The following ZNF469 variants were observed in gnomAD, a reference collection of about 807,000 sequenced individuals.
The protein encoded by ZNF469 is zinc finger protein 469.
A neutral mutation model predicts 1.0 loss-of-function variants in ZNF469; 1 was observed. That is an observed-to-expected ratio of 1.00 (90% CI 0.35 to 4.73). The LOEUF (loss-of-function observed/expected upper bound fraction) is 4.73. ZNF469 is among the 30% of genes most tolerant of loss of function. The pLI is 0.16. For synonymous variants in ZNF469, 2,703 were observed against 2,363.4 expected (o/e 1.14, Z -4.17); for missense variants, 6,100 against 5,356.3 (o/e 1.14, Z -4.33).
At chr16:88,372,822 T>C in the ZNF469 span, among the ~76,000 whole-genome samples, 1 of 145,660 alleles carries the variant, frequency 6.9e-6, no homozygotes. Context: ...ACCATCATCA[T>C]GATCTTTACC....
At chr16:88,196,464 G>A in the ZNF469 span, among the ~76,000 whole-genome samples, 1 of 152,210 alleles carries the variant, frequency 6.6e-6, no homozygotes, top group African/African-American at 2.4e-5. Flanking sequence ...CTCAAGACAT[G>A]TCCAACGTTC....
intron 1 of ZNF469, among the ~76,000 whole-genome samples, chr16:88,385,073 C>G (rs2092534156): frequency 6.6e-6 from 1 of 152,176 alleles, no homozygotes; most frequent in Non-Finnish European, 1.5e-5. Flanking sequence ...CTCTTCAGGT[C>G]ATTTCTGACT....
At chr16:88,101,369 G>A in the ZNF469 span, among the ~76,000 whole-genome samples, 2 of 152,218 alleles carry the variant, frequency 1.3e-5, no homozygotes, top group African/African-American at 2.4e-5. Context: ...TCTTTGATCT[G>A]ATGTGGTTAG....
chr16:88,343,049 C>T, the ZNF469 span, among the ~76,000 whole-genome samples: 2 of 152,292 alleles, frequency 1.3e-5, no homozygotes, highest in East Asian at 3.9e-4. Context: ...CACACGGGGA[C>T]TGAGAAGCAT....
the ZNF469 span, among the ~76,000 whole-genome samples, chr16:88,256,883 TTCTTTTCTTTCC>T: frequency 7.1e-6 from 1 of 140,148 alleles, no homozygotes; most frequent in Non-Finnish European, 1.6e-5. Flanking sequence ...TTCTTTTCTT[TTCTTTTCTTTCC>T]TTCTTTCTTT....
At chr16:88,325,526 CTA>C in the ZNF469 span, among the ~76,000 whole-genome samples, 1 of 152,354 alleles carries the variant, frequency 6.6e-6, no homozygotes, top group South Asian at 2.1e-4. Context: ...GCCAGGGGCA[CTA>C]TGTGTGGTGG....
chr16:88,197,308 A>C, the ZNF469 span, among the ~76,000 whole-genome samples: 1 of 152,140 alleles, frequency 6.6e-6, no homozygotes, highest in Non-Finnish European at 1.5e-5. Context: ...CTTTGTACAG[A>C]CACAGAGGAG....
At chr16:88,167,489 A>C in the ZNF469 span, among the ~76,000 whole-genome samples, 2 of 152,204 alleles carry the variant, frequency 1.3e-5, no homozygotes, top group Admixed American at 6.5e-5. Context: ...TGCAGTGTCC[A>C]GGCTGCTGCT....
the ZNF469 span, among the ~76,000 whole-genome samples, chr16:88,157,143 A>G: frequency 6.6e-6 from 1 of 151,818 alleles, no homozygotes; most frequent in South Asian, 2.1e-4. Flanking sequence ...CATGAGCACC[A>G]GGGCACACAG....
chr16:88,182,843 C>G, the ZNF469 span, among the ~76,000 whole-genome samples: 2 of 151,808 alleles, frequency 1.3e-5, no homozygotes, highest in Admixed American at 6.6e-5. Context: ...GTCAAAGATT[C>G]TTAGATAGGA....
At position 88,437,588 on chromosome 16, in the gene ZNF469, T is replaced by C; in HGVS notation, c.10118T>C (p.Val3373Ala). ...RVYLCPRCPR[V>A]YPEHGELLAH... ...TACCTGTGCCCCCGGTGCCCCCGGGTCTACCCCGAGCACGGGGAGCTGCTG... is the reference window on the plus strand; with the variant it reads ...TACCTGTGCCCCCGGTGCCCCCGGGCCTACCCCGAGCACGGGGAGCTGCTG... The change falls in exon 3 of 3, where the codon GTC (valine) becomes GCC (alanine). Residue 3373 changes from valine to alanine, a missense_variant. Physicochemically the swap from Val to Ala is moderately conservative, Grantham distance 64 (BLOSUM62 0). Transcript: ENST00000565624. The C allele has an allele frequency of 6.5e-7, 1 of 1,538,174 alleles. No individual in the cohort carries two copies. The highest frequency in any genetic ancestry group is 8.8e-7 in the Non-Finnish European group (1 of 1,138,138).
At chr16:88,331,284 A>G in the ZNF469 span, among the ~76,000 whole-genome samples, 3 of 151,474 alleles carry the variant, frequency 2.0e-5, no homozygotes, top group African/African-American at 7.3e-5. Context: ...CATCATCATC[A>G]CCATCACCAC....
At chr16:88,288,309 G>A in the ZNF469 span, among the ~76,000 whole-genome samples, 1 of 152,162 alleles carries the variant, frequency 6.6e-6, no homozygotes, top group Non-Finnish European at 1.5e-5. Context: ...AGGCACGCAT[G>A]TTGAGAACTT....
the ZNF469 span, among the ~76,000 whole-genome samples, chr16:88,260,853 C>T: frequency 2.0e-5 from 3 of 152,088 alleles, no homozygotes; most frequent in African/African-American, 4.8e-5. This position sits in a 1 kb window ranked among gnomAD's most constrained non-coding sequence, Gnocchi z 4.1. Flanking sequence ...CGTCTGATGG[C>T]ATCAGGAGGT....
At chr16:88,358,713 T>A in the ZNF469 span, among the ~76,000 whole-genome samples, 2 of 150,758 alleles carry the variant, frequency 1.3e-5, no homozygotes, top group Admixed American at 1.3e-4. Flanking sequence ...TTTATTTTAA[T>A]TTTTTTTTTA....
chr16:88,253,303 A>T, the ZNF469 span, among the ~76,000 whole-genome samples: 1 of 151,850 alleles, frequency 6.6e-6, no homozygotes, highest in Non-Finnish European at 1.5e-5. Context: ...TTCCACAGTA[A>T]CTCCCTGACG....
chr16:88,351,930 C>T, the ZNF469 span, among the ~76,000 whole-genome samples: 10 of 152,176 alleles, frequency 6.6e-5, no homozygotes, highest in Non-Finnish European at 1.5e-4. Context: ...TGGAGAAACA[C>T]GACGTGTCCC....
At chr16:88,301,612 C>T in the ZNF469 span, among the ~76,000 whole-genome samples, 3 of 152,226 alleles carry the variant, frequency 2.0e-5, no homozygotes, top group Non-Finnish European at 4.4e-5. Context: ...GGCAGGTCAC[C>T]ATTTGTAGCC....
rs2142304529 is a variant in ZNF469 at position 88,431,121 on chromosome 16, G to A, written c.3651G>A (p.Pro1217=). ...CCGAGACCTCAGAGGAAACCCGCCC[G>A]TCGCTGGACTTTCCCCAGGAGGCCA... is the stretch of plus-strand genomic sequence containing the variant. ...TNTETSEETR[P]SLDFPQEAKE... The change falls in exon 3 of 3, where the codon CCG becomes CCA. Residue 1217 remains proline, a synonymous_variant. Coordinates refer to ENST00000565624, the MANE Select transcript of ZNF469 (RefSeq NM_001367624.2). 2 of 1,550,144 alleles carry A rather than the reference G, an allele frequency of 1.3e-6. No individual in the cohort carries two copies. Among genetic ancestry groups the A allele is most frequent in the Non-Finnish European group, 1.7e-6 (2 of 1,146,936 alleles).
Sources: gnomAD v4.1 joint callset for allele counts (sites outside exome capture counted in the v4.1 genomes callset) on GRCh38, gnomAD v4.1.1 for gene constraint, Gnocchi (gnomAD v3.1) non-coding constraint, MANE v1.5 for transcripts, NCBI Gene and HGNC (gene_info 2026-07-23, HGNC 2026-07-21) for gene names.